IHO1: variants seen among roughly 807,000 people sequenced by gnomAD.
The protein encoded by IHO1 is interactor of HORMAD1 1.
IHO1 carries 13 observed loss-of-function variants against 31.0 expected under a neutral mutation model. The observed-to-expected ratio is 0.42, with a 90% CI of 0.27 to 0.67. The LOEUF (loss-of-function observed/expected upper bound fraction) is 0.67. Among genes scored for constraint, IHO1 ranks in the 30% least tolerant of loss-of-function variants. The pLI, the probability that IHO1 is intolerant of heterozygous loss-of-function variation, is 0.24. For missense variants in IHO1, 599 were observed against 687.5 expected (o/e 0.87, Z 1.44); for synonymous variants, 221 against 248.4 (o/e 0.89, Z 1.04).
intron 4 of IHO1, among the ~76,000 whole-genome samples, chr3:49,243,583 C>G (rs911174144): frequency 6.6e-6 from 1 of 151,024 alleles, no homozygotes; most frequent in Non-Finnish European, 1.5e-5. Flanking sequence ...ACGATGAAAC[C>G]CCGTCTCTAC....
intron 1 of IHO1, among the ~76,000 whole-genome samples, chr3:49,210,975 T>C (rs1386873228): frequency 2.1e-5 from 3 of 143,462 alleles, no homozygotes; most frequent in African/African-American, 7.8e-5. Context: ...GGATTACACA[T>C]GTGAGCCACT....
intron 6 of IHO1, among the ~76,000 whole-genome samples, chr3:49,253,652 A>G (rs2046788829): frequency 2.0e-5 from 3 of 152,088 alleles, no homozygotes; most frequent in Admixed American, 1.3e-4. Flanking sequence ...TCAGCTAAAT[A>G]TCAGTTTCTT....
At chr3:49,200,186 C>T (rs1290852991) in intron 1 of IHO1, among the ~76,000 whole-genome samples, 1 of 152,088 alleles carries the variant, frequency 6.6e-6, no homozygotes, top group Non-Finnish European at 1.5e-5. Context: ...TCAAGAATCT[C>T]GCAGTAGGCC....
intron 4 of IHO1, 50 bp downstream of exon 4, chr3:49,241,439 A>T (rs1273257363): frequency 6.6e-7 from 1 of 1,513,974 alleles, no homozygotes; most frequent in African/African-American, 1.4e-5. Flanking sequence ...TCTGAGTAAA[A>T]CAAGACATAG....
At chr3:49,226,722 AG>A (rs2046423386) in intron 2 of IHO1, among the ~76,000 whole-genome samples, 2 of 152,216 alleles carry the variant, frequency 1.3e-5, no homozygotes, top group South Asian at 4.1e-4. Context: ...ATTAAAGGCC[AG>A]GGTTTGATCT....
chr3:49,226,239 A>G (rs1000089295), intron 2 of IHO1, among the ~76,000 whole-genome samples: 4 of 151,664 alleles, frequency 2.6e-5, no homozygotes, highest in Non-Finnish European at 4.4e-5. Flanking sequence ...TGGTCCCTAC[A>G]CCGAGGTAGC....
At chr3:49,241,485 T>C in intron 4 of IHO1, 96 bp downstream of exon 4, 2 of 1,180,896 alleles carry the variant, frequency 1.7e-6, no homozygotes, top group Non-Finnish European at 1.2e-6. Context: ...TTTAGCATAA[T>C]AGCATGTATT....
At chr3:49,226,929 C>T (rs553420354) in intron 2 of IHO1, among the ~76,000 whole-genome samples, 7 of 152,158 alleles carry the variant, frequency 4.6e-5, no homozygotes, top group African/African-American at 7.2e-5. Context: ...GGGACGTAAC[C>T]GATAACCTGG....
intron 1 of IHO1, among the ~76,000 whole-genome samples, chr3:49,205,798 C>T: frequency 7.9e-6 from 1 of 125,984 alleles, no homozygotes; most frequent in East Asian, 2.5e-4. Context: ...GAGATGGGGT[C>T]TTGCTCTGTC....
chr3:49,211,300 G>T lies in IHO1; in HGVS notation c.-15-466G>T, dbSNP rs556926715. ...TGGGATTACAGGCGTGAGCCACTGC[G>T]CCCGGCTTCCATTTAGTTCTAATTT... On this transcript the variant is annotated intron_variant, in intron 1 of 7. Coordinates refer to ENST00000452691, the MANE Select transcript of IHO1 (RefSeq NM_001135197.2). Among the ~76,000 whole-genome samples the T allele has an allele frequency of 2.6e-5, 4 of 152,100 alleles. 1 individual carries two copies. Among genetic ancestry groups the T allele is most frequent in the Admixed American group, 1.3e-4 (2 of 15,268 alleles).
chr3:49,196,489 T>G (rs2045997016), upstream of IHO1, among the ~76,000 whole-genome samples: 1 of 144,446 alleles, frequency 6.9e-6, no homozygotes, highest in Non-Finnish European at 1.5e-5. Flanking sequence ...CGGCTATTTT[T>G]TTTCTTTTTT....
chr3:49,200,415 A>C (rs2046038950), intron 1 of IHO1: 1 of 209,134 alleles, frequency 4.8e-6, no homozygotes, highest in Non-Finnish European at 8.2e-6. Context: ...CAGTGAGCTG[A>C]GATCGCGCCA....
At chr3:49,219,164 G>A (rs2107696419) in intron 2 of IHO1, among the ~76,000 whole-genome samples, 1 of 152,310 alleles carries the variant, frequency 6.6e-6, no homozygotes, top group African/African-American at 2.4e-5. Flanking sequence ...CCCCAAGTCT[G>A]GCCATAAACG....
At chr3:49,222,838 A>G (rs1395213651) in intron 2 of IHO1, among the ~76,000 whole-genome samples, 1 of 152,158 alleles carries the variant, frequency 6.6e-6, no homozygotes, top group African/African-American at 2.4e-5. Flanking sequence ...ACGGTCCTGC[A>G]GGTTCCGCAG....
At chr3:49,211,727 C>T in intron 1 of IHO1, 39 bp from the exon 2 acceptor site, 2 of 983,438 alleles carry the variant, frequency 2.0e-6, no homozygotes, top group Non-Finnish European at 3.2e-6. Context: ...AAAAATTATA[C>T]TGTTAACTTT....
At chr3:49,214,633 T>TATATATATATATATATATATATATATA (rs71278651) in intron 2 of IHO1, among the ~76,000 whole-genome samples, 1 of 25,584 alleles carries the variant, frequency 3.9e-5, no homozygotes, top group Non-Finnish European at 6.8e-5. Context: ...TATATATATA[T>TATATATATATATATATATATATATATA]TTTTTTTTTT....
chr3:49,209,457 G>GAC (rs995193561), intron 1 of IHO1, among the ~76,000 whole-genome samples: 5 of 151,624 alleles, frequency 3.3e-5, no homozygotes, highest in African/African-American at 1.2e-4. Flanking sequence ...AACATGGTGA[G>GAC]ACCCTGTCTC....
At chr3:49,235,624 C>G (rs2046550434) in intron 2 of IHO1, among the ~76,000 whole-genome samples, 1 of 151,938 alleles carries the variant, frequency 6.6e-6, no homozygotes, top group Non-Finnish European at 1.5e-5. Context: ...ACAGATTGAT[C>G]TTTTAAAAAG....
At chr3:49,203,687 G>T (rs1428790176) in intron 1 of IHO1, among the ~76,000 whole-genome samples, 1 of 152,162 alleles carries the variant, frequency 6.6e-6, no homozygotes, top group Non-Finnish European at 1.5e-5. Context: ...GTAACATTGG[G>T]AAATTCAAAT....
Sources: gnomAD v4.1 joint callset for allele counts (sites outside exome capture counted in the v4.1 genomes callset) on GRCh38, gnomAD v4.1.1 for gene constraint, MANE v1.5 for transcripts, NCBI Gene and HGNC (gene_info 2026-07-23, HGNC 2026-07-21) for gene names.